The following SETD4 variants were observed in gnomAD, a reference collection of about 807,000 sequenced individuals.
SETD4 encodes SET domain-containing protein 4.
In SETD4, 46 loss-of-function variants were observed where a neutral mutation model predicts 58.3. The ratio of observed to expected loss-of-function variants is 0.79; its 90% CI spans 0.62 to 1.01. The LOEUF (loss-of-function observed/expected upper bound fraction) is 1.01. SETD4 is among the 50% of genes least tolerant of loss of function. SETD4 has a pLI of 0.00. For missense variants in SETD4, 490 were observed against 523.3 expected (o/e 0.94, Z 0.62); for synonymous variants, 190 against 202.6 (o/e 0.94, Z 0.53).
chr21:36,046,113 C>G, intron 5 of SETD4, 102 bp from the exon 6 acceptor site: 3 of 1,209,890 alleles, frequency 2.5e-6, no homozygotes, highest in Non-Finnish European at 2.3e-6. Flanking sequence ...TTCAAACTGT[C>G]AACACACTCA....
Position 36,046,025 on chromosome 21 carries a change from A to C in SETD4, c.297-14T>G, listed in dbSNP as rs1165455127. 6.2e-7 allele frequency: 1 copy of C among 1,602,474 alleles called. No homozygotes were observed. Among genetic ancestry groups the C allele is most frequent in the Non-Finnish European group, 8.5e-7 (1 of 1,175,966 alleles). On this transcript the variant is annotated splice_polypyrimidine_tract_variant and intron_variant, in intron 5 of 11. Transcript: ENST00000332131. ...GGAGGCTTCCACCTTTGAAAATTAA[A>C]AGCCAGTTTAAAGGAATTACTTTGA...
chr21:36,045,975 G>T lies in SETD4; in HGVS notation c.333C>A (p.Cys111Ter). The change falls in exon 6 of 12, where the codon TGC becomes TGA. Residue 111 changes from cysteine to a stop codon, truncating the protein, a stop_gained. Transcript: ENST00000332131. LOFTEE classifies it high-confidence loss of function. ...KPPPSPLLAL[C>*]TFLVSEKHAG... ...CATGCTTTTCTGAAACTAAAAAGGT[G>T]CACAGCGCCAGCAGAGGAGATGGAG... is the stretch of plus-strand genomic sequence containing the variant. 6.2e-7 allele frequency: 1 copy of T among 1,614,102 alleles called. No individual in the cohort carries two copies.
At chr21:36,054,233 A>G (rs957478959) in intron 3 of SETD4, among the ~76,000 whole-genome samples, 2 of 152,196 alleles carry the variant, frequency 1.3e-5, no homozygotes, top group Non-Finnish European at 2.9e-5. Context: ...CACCATAGTA[A>G]CCTCAGCAGC....
intron 7 of SETD4, 179 bp downstream of exon 7, chr21:36,043,603 T>C: frequency 7.1e-7 from 1 of 1,406,236 alleles, no homozygotes; most frequent in Admixed American, 3.2e-5. Context: ...CTTCGTTGTT[T>C]TTACTTCAAC....
At chr21:36,054,557 G>A (rs2064880653) in intron 3 of SETD4, among the ~76,000 whole-genome samples, 1 of 152,234 alleles carries the variant, frequency 6.6e-6, no homozygotes, top group Non-Finnish European at 1.5e-5. Flanking sequence ...TCCTCCATCA[G>A]TTTCCCGCAA....
chr21:36,056,552 G>A (rs1262090779), intron 3 of SETD4, among the ~76,000 whole-genome samples: 1 of 152,094 alleles, frequency 6.6e-6, no homozygotes, highest in African/African-American at 2.4e-5. Flanking sequence ...AGAAGAAAGT[G>A]GTTTTTGTTT....
chr21:36,047,718 C>T (rs2064400241), intron 5 of SETD4, among the ~76,000 whole-genome samples: 1 of 150,442 alleles, frequency 6.6e-6, no homozygotes, highest in South Asian at 2.1e-4. Flanking sequence ...TGGCCGGGCA[C>T]GGTGGCTCAC....
At chr21:36,057,464 GA>G (rs2065045012) in intron 2 of SETD4, 1 of 613,488 alleles carries the variant, frequency 1.6e-6, no homozygotes, top group Non-Finnish European at 3.0e-6. Context: ...GCCCAACACA[GA>G]AAGACCCCAT....
intron 3 of SETD4, among the ~76,000 whole-genome samples, chr21:36,056,632 C>T (rs1333374391): frequency 6.6e-6 from 1 of 152,186 alleles, no homozygotes; most frequent in East Asian, 1.9e-4. Context: ...GATCATGGCT[C>T]TCTGCAGCCT....
Position 36,053,589 on chromosome 21 carries a change from G to T in SETD4, c.201C>A (p.Ser67=). 1 of 1,614,054 alleles carries T rather than the reference G, an allele frequency of 6.2e-7. No homozygotes were observed. The highest frequency in any genetic ancestry group is 1.7e-5 in the Admixed American group (1 of 60,006). ...ATCAAAGAACAGTTCTCACCTGCAG[G>T]GATGTTTGACTCATCAGCCCTCTTC... ...GTGRGLMSQT[S]LQEGQMIISL... Residue 67 remains serine (S), a synonymous_variant, in exon 4 of 12, where the codon TCC becomes TCA. Transcript: ENST00000332131.
chr21:36,058,826 T>C lies in SETD4; in HGVS notation c.63A>G (p.Glu21=), dbSNP rs1250533629. The part of the protein sequence containing the change: ...IRRRKLCGSS[E]SRGVNESHKS... ...AAAGAAAAACCATACCTCCTCTTGA[T>C]TCAGAACTTCCGCAGAGTTTTCGTC... The change falls in exon 2 of 12, where the codon GAA becomes GAG. Residue 21 remains glutamate (E), a synonymous_variant. Coordinates refer to ENST00000332131, the MANE Select transcript of SETD4 (RefSeq NM_017438.5). 2 of 1,601,278 alleles carry C rather than the reference T, an allele frequency of 1.2e-6. No individual in the cohort carries two copies. The highest frequency in any genetic ancestry group is 1.7e-6 in the Non-Finnish European group (2 of 1,175,758).
chr21:36,046,387 GA>G (rs1244150074), intron 5 of SETD4, among the ~76,000 whole-genome samples: 2 of 152,144 alleles, frequency 1.3e-5, no homozygotes, highest in Non-Finnish European at 2.9e-5. Context: ...ATATGGTGGG[GA>G]AAAAATGGTG....
chr21:36,057,128 T>A lies in SETD4; in HGVS notation c.150A>T (p.Leu50Phe). The A allele has an allele frequency of 6.2e-7, 1 of 1,614,120 alleles. No homozygotes were observed. Among genetic ancestry groups the A allele is most frequent in the Admixed American group, 1.7e-5 (1 of 60,026 alleles). ...LKARKFQDSN[L>F]APACFPGTGR... ...TCTTACCTGGAAAACAAGCAGGCGC[T>A]AAGTTTGAATCTTGAAACTTCCTAG... The change falls in exon 3 of 12, where the codon TTA becomes TTT. Residue 50 changes from leucine to phenylalanine, a missense_variant. Transcript: ENST00000332131.
chr21:36,041,138 C>T (rs150327735), intron 8 of SETD4, among the ~76,000 whole-genome samples: 12 of 109,486 alleles, frequency 1.1e-4, no homozygotes, highest in Non-Finnish European at 2.0e-4. Flanking sequence ...CCAGCCTGGG[C>T]GACAGAGCAA....
At chr21:36,048,882 C>A (rs1039139233) in intron 4 of SETD4, among the ~76,000 whole-genome samples, 2 of 151,956 alleles carry the variant, frequency 1.3e-5, no homozygotes, top group Admixed American at 6.6e-5. Flanking sequence ...CATGATGGTG[C>A]CTAATTTTTG....
At chr21:36,043,979 T>C (rs2064185695) in intron 6 of SETD4, 23 bp from the exon 7 acceptor site, 1 of 1,610,316 alleles carries the variant, frequency 6.2e-7, no homozygotes, top group East Asian at 2.2e-5. Context: ...ACTGTTAAGG[T>C]ATTTTTTAAA....
intron 6 of SETD4, 22 bp from the exon 7 acceptor site, chr21:36,043,978 G>A (rs1355012565): frequency 6.2e-7 from 1 of 1,610,408 alleles, no homozygotes; most frequent in Non-Finnish European, 8.5e-7. Flanking sequence ...AACTGTTAAG[G>A]TATTTTTTAA....
intron 1 of SETD4, 109 bp from the exon 2 acceptor site, chr21:36,059,033 G>A (rs980905372): frequency 2.4e-6 from 3 of 1,229,692 alleles, no homozygotes; most frequent in Non-Finnish European, 3.3e-6. Flanking sequence ...ACTGTTCTTT[G>A]TACCTTTAAG....
Position 36,045,618 on chromosome 21 carries a change from C to T in SETD4, c.690G>A (p.Pro230=), listed in dbSNP as rs759770207. The T allele has an allele frequency of 4.4e-5, 71 of 1,613,974 alleles. No homozygotes were observed. Among genetic ancestry groups the T allele is most frequent in the Non-Finnish European group, 5.5e-5 (65 of 1,180,022 alleles). The change falls in exon 6 of 12, where the codon CCG becomes CCA. Residue 230 remains proline, a synonymous_variant. Transcript: ENST00000332131. The part of the protein sequence containing the change: ...SAEPDTCALA[P]YLDLLNHSPH... ...GGCTATGATTCAGCAGGTCCAGGTACGGAGCGAGTGCACAGGTGTCCGGCT... is the reference window on the plus strand; with the variant it reads ...GGCTATGATTCAGCAGGTCCAGGTATGGAGCGAGTGCACAGGTGTCCGGCT...
Sources: allele counts gnomAD v4.1 joint callset (sites outside exome capture counted in the v4.1 genomes callset), GRCh38; gene constraint gnomAD v4.1.1; transcripts MANE v1.5; gene names NCBI Gene and HGNC (gene_info 2026-07-23, HGNC 2026-07-21).